CTNND2: variants seen among roughly 807,000 people sequenced by gnomAD.
CTNND2 encodes the protein catenin delta 2.
A neutral mutation model predicts 144.4 loss-of-function variants in CTNND2; 22 were observed. The observed-to-expected ratio is 0.15, with a 90% confidence interval of 0.11 to 0.22. The LOEUF (loss-of-function observed/expected upper bound fraction) is 0.22. CTNND2 is among the 10% of genes least tolerant of loss of function. The pLI, the probability that CTNND2 is intolerant of heterozygous loss-of-function variation, is 1.00. For synonymous variants in CTNND2, 751 were observed against 695.6 expected (o/e 1.08, Z -1.25); for missense variants, 1,353 against 1,618.8 (o/e 0.84, Z 2.82).
intron 1 of CTNND2, among the ~76,000 whole-genome samples, chr5:11,827,161 C>A (rs1793648127): frequency 6.6e-6 from 1 of 152,134 alleles, no homozygotes; most frequent in African/African-American, 2.4e-5. Flanking sequence ...TTGCAACTTA[C>A]AACATGCGGA....
At chr5:11,126,161 C>T (rs879606147) in intron 12 of CTNND2, among the ~76,000 whole-genome samples, 19 of 152,186 alleles carry the variant, frequency 1.2e-4, no homozygotes, top group Admixed American at 3.9e-4. Context: ...ATTAGCTGGG[C>T]GTGGTGGCAC....
intron 2 of CTNND2, among the ~76,000 whole-genome samples, chr5:11,704,292 A>G (rs1388822578): frequency 2.0e-5 from 3 of 152,222 alleles, no homozygotes; most frequent in Non-Finnish European, 4.4e-5. Flanking sequence ...TCACTACAGG[A>G]AGACTAATTA....
chr5:11,880,529 TACCACCACC>T (rs1266969822), intron 1 of CTNND2, among the ~76,000 whole-genome samples: 1 of 144,002 alleles, frequency 6.9e-6, no homozygotes, highest in Non-Finnish European at 1.5e-5. Context: ...CTACTACTAC[TACCACCACC>T]ACTACTACTA....
intron 1 of CTNND2, among the ~76,000 whole-genome samples, chr5:11,741,314 A>G (rs899291003): frequency 1.3e-5 from 2 of 152,230 alleles, no homozygotes; most frequent in African/African-American, 4.8e-5. Flanking sequence ...ACTTGAAACC[A>G]ACCCATATGT....
At chr5:11,678,467 T>G (rs1012099867) in intron 2 of CTNND2, among the ~76,000 whole-genome samples, 1 of 152,120 alleles carries the variant, frequency 6.6e-6, no homozygotes, top group African/African-American at 2.4e-5. Context: ...GCGGCCACAA[T>G]GCTGACGATG....
intron 2 of CTNND2, among the ~76,000 whole-genome samples, chr5:11,566,022 A>T (rs1406093824): frequency 6.6e-6 from 1 of 152,188 alleles, no homozygotes. Flanking sequence ...TCAGTTTTGG[A>T]GAATTTAAAC....
intron 12 of CTNND2, among the ~76,000 whole-genome samples, chr5:11,145,863 C>T (rs144134255): frequency 2.2e-4 from 34 of 152,290 alleles, no homozygotes; most frequent in African/African-American, 7.5e-4. Context: ...CTACCAACCG[C>T]GCCCTGGCTG....
intron 3 of CTNND2, among the ~76,000 whole-genome samples, chr5:11,540,194 C>T (rs374177426): frequency 1.1e-4 from 17 of 152,192 alleles, no homozygotes; most frequent in African/African-American, 3.6e-4. Flanking sequence ...TTAAAATAAA[C>T]GACATTCCAA....
intron 10 of CTNND2, among the ~76,000 whole-genome samples, chr5:11,208,275 C>T (rs1738261673): frequency 6.6e-6 from 1 of 151,982 alleles, no homozygotes; most frequent in Admixed American, 6.6e-5. Flanking sequence ...CCACTGGTCT[C>T]CAGATTAATT....
At chr5:11,196,271 A>G (rs1459771585) in intron 11 of CTNND2, among the ~76,000 whole-genome samples, 1 of 152,216 alleles carries the variant, frequency 6.6e-6, no homozygotes. Flanking sequence ...AAATCACTAA[A>G]ATTGTTCTTT....
chr5:11,787,515 T>C (rs1461323880), intron 1 of CTNND2, among the ~76,000 whole-genome samples: 1 of 152,232 alleles, frequency 6.6e-6, no homozygotes, highest in African/African-American at 2.4e-5. Flanking sequence ...GCAATTGATG[T>C]ACTTATTATG....
intron 1 of CTNND2, among the ~76,000 whole-genome samples, chr5:11,807,718 C>T (rs904973932): frequency 1.3e-5 from 2 of 152,126 alleles, no homozygotes; most frequent in African/African-American, 2.4e-5. Flanking sequence ...AGTTCACCAT[C>T]GCCACGTACT....
chr5:11,358,924 C>T (rs1171393545), intron 8 of CTNND2, among the ~76,000 whole-genome samples: 2 of 152,176 alleles, frequency 1.3e-5, no homozygotes, highest in East Asian at 3.8e-4. Context: ...GTTTTCAACA[C>T]TCAGTTTGAA....
chr5:11,255,511 C>T (rs991312632), intron 9 of CTNND2, among the ~76,000 whole-genome samples: 1 of 152,144 alleles, frequency 6.6e-6, no homozygotes, highest in Non-Finnish European at 1.5e-5. Context: ...GAACTAAAAT[C>T]ACCATAATAT....
chr5:11,584,539 G>A (rs1362133941), intron 2 of CTNND2, among the ~76,000 whole-genome samples: 1 of 151,802 alleles, frequency 6.6e-6, no homozygotes, highest in Non-Finnish European at 1.5e-5. Flanking sequence ...CACTGGAGAA[G>A]ATCACAATGT....
At chr5:11,689,546 A>G (rs781452015) in intron 2 of CTNND2, among the ~76,000 whole-genome samples, 34 of 152,242 alleles carry the variant, frequency 2.2e-4, no homozygotes, top group Non-Finnish European at 3.5e-4. Flanking sequence ...TCAGTAAATA[A>G]ATCAATTTGT....
At chr5:11,467,799 T>C (rs1766816856) in intron 3 of CTNND2, among the ~76,000 whole-genome samples, 1 of 152,196 alleles carries the variant, frequency 6.6e-6, no homozygotes, top group African/African-American at 2.4e-5. Flanking sequence ...AACATTCCTG[T>C]TTTTCTTCTA....
intron 5 of CTNND2, among the ~76,000 whole-genome samples, chr5:11,407,584 A>C (rs6896539): frequency 0.19 from 29,010 of 152,130 alleles, 5,835 homozygotes; most frequent in African/African-American, 0.51. Context: ...GAACTATGCG[A>C]TCATGGGGTG....
chr5:11,523,412 C>T (rs763575066), intron 3 of CTNND2, among the ~76,000 whole-genome samples: 4 of 152,204 alleles, frequency 2.6e-5, no homozygotes, highest in Admixed American at 6.5e-5. Context: ...GCGTAACCAT[C>T]GAGTCTCTCA....
Sources: allele counts gnomAD v4.1 joint callset (sites outside exome capture counted in the v4.1 genomes callset), GRCh38; gene constraint gnomAD v4.1.1; transcripts MANE v1.5; gene names NCBI Gene and HGNC (gene_info 2026-07-23, HGNC 2026-07-21).